The following HLTF variants were observed in gnomAD, a reference collection of about 807,000 sequenced individuals.
HLTF encodes the protein DNA-dependent ATPase/E3 ubiquitin-protein ligase HLTF.
A neutral mutation model predicts 129.4 loss-of-function variants in HLTF; 127 were observed. That is an observed-to-expected ratio of 0.98 (90% confidence interval 0.85 to 1.14). HLTF has a LOEUF of 1.14. Ranked by LOEUF, HLTF falls within the 50% of genes most tolerant of loss-of-function variation. The pLI is 0.00. For missense variants in HLTF, 1,139 were observed against 1,187.1 expected, an observed-to-expected ratio of 0.96 and a Z score of 0.60; for synonymous variants, 332 against 388.8, an observed-to-expected ratio of 0.85 and a Z score of 1.72.
At chr3:149,037,196 C>T (rs866524638) in intron 23 of HLTF, among the ~76,000 whole-genome samples, 19 of 152,134 alleles carry the variant, frequency 1.2e-4, no homozygotes, top group Middle Eastern at 3.4e-3. Flanking sequence ...ACCGGCTGGG[C>T]GCGGTGGCTC....
intron 8 of HLTF, among the ~76,000 whole-genome samples, chr3:149,065,629 A>G (rs996561754): frequency 6.6e-6 from 1 of 152,118 alleles, no homozygotes; most frequent in African/African-American, 2.4e-5. Context: ...CAGGAGCTCG[A>G]GACTAGCCTG....
intron 10 of HLTF, 62 bp from the exon 11 acceptor site, chr3:149,060,920 A>T (rs184825200): frequency 7.3e-5 from 80 of 1,093,452 alleles, no homozygotes; most frequent in Middle Eastern, 6.4e-4. Flanking sequence ...AGATATACAA[A>T]CATGTTTAAT....
At chr3:149,042,347 T>C (rs531200850) in intron 18 of HLTF, 57 bp from the exon 19 acceptor site, 4 of 1,423,498 alleles carry the variant, frequency 2.8e-6, no homozygotes, top group South Asian at 1.3e-5. Context: ...AACTTCCTAT[T>C]CTAAAACAGC....
At position 149,063,051 on chromosome 3, in the gene HLTF, C is replaced by T. The variant is rs141342778; in HGVS notation, c.1160+380G>A. 29 of 456,804 alleles carry T rather than the reference C, an allele frequency of 6.3e-5. No individual in the cohort carries two copies. In the East Asian group the frequency reaches 1.9e-3, roughly 30 times the overall value. 28.3% of individuals were successfully genotyped at this position (456,804 alleles called of 1,614,324 possible). ...ACAAATATAAGGGTCATGGTCATCT[C>T]TATCTCTCTCTTTTTCTTTTTTTTT... On this transcript the variant is annotated intron_variant, in intron 10 of 24. Coordinates refer to ENST00000310053, the MANE Select transcript of HLTF (RefSeq NM_003071.4).
chr3:149,034,348 T>G (rs1334037687), intron 24 of HLTF, among the ~76,000 whole-genome samples: 1 of 152,150 alleles, frequency 6.6e-6, no homozygotes, highest in Non-Finnish European at 1.5e-5. Flanking sequence ...TTAAATATAT[T>G]ACGATATATC....
chr3:149,084,648 T>G, intron 2 of HLTF, 34 bp downstream of exon 2: 1 of 1,442,802 alleles, frequency 6.9e-7, no homozygotes, highest in Non-Finnish European at 9.7e-7. Flanking sequence ...GCCAGAAATA[T>G]AATCAAAATT....
chr3:149,073,705 A>G (rs902840666), intron 4 of HLTF, among the ~76,000 whole-genome samples: 1 of 152,184 alleles, frequency 6.6e-6, no homozygotes, highest in African/African-American at 2.4e-5. Flanking sequence ...CAAAATATAT[A>G]CACAAATAAA....
At position 149,058,774 on chromosome 3, in the gene HLTF, T is replaced by C. The variant is rs145340051; in HGVS notation, c.1375+944A>G. On this transcript the variant is annotated intron_variant, in intron 13 of 24. Transcript: ENST00000310053. The stretch of plus-strand genomic sequence containing the variant: ...CTATTCTGCTTCTCTTTCAAAGATA[T>C]ACTTAGTTTGGTTAAAACCAAAATG... 2.4e-3 allele frequency among the ~76,000 whole-genome samples: 367 copies of C among 152,352 alleles called. 3 individuals are homozygous for C. The highest frequency in any genetic ancestry group is 0.019 in the East Asian group (101 of 5,182).
chr3:149,061,836 C>CAAAAA (rs770669148), intron 10 of HLTF, among the ~76,000 whole-genome samples: 3 of 65,770 alleles, frequency 4.6e-5, no homozygotes. Flanking sequence ...AACTCTGTCT[C>CAAAAA]AAAAAAAAAA....
intron 3 of HLTF, 24 bp from the exon 4 acceptor site, chr3:149,074,372 A>C: frequency 1.3e-6 from 2 of 1,580,344 alleles, no homozygotes; most frequent in Non-Finnish European, 1.7e-6. Flanking sequence ...GAGAAAAAGA[A>C]AGGGAAATCA....
At chr3:149,065,727 G>A (rs547157040) in intron 8 of HLTF, among the ~76,000 whole-genome samples, 144 of 152,278 alleles carry the variant, frequency 9.5e-4, no homozygotes, top group Non-Finnish European at 1.5e-3. Context: ...CTACTTGGGA[G>A]GCTGAGGCAG....
At position 149,063,067 on chromosome 3, in the gene HLTF, C is replaced by CT. The variant is rs558050182; in HGVS notation, c.1160+363dup. 6.3e-3 allele frequency: 2,465 copies of CT among 391,842 alleles called. 5 individuals carry two copies. The highest frequency in any genetic ancestry group is 0.012 in the South Asian group (595 of 51,608). The allele number at this position is 391,842 out of a possible 1,614,324, so 24.3% of individuals were successfully genotyped here. ...TGGTCATCTCTATCTCTCTCTTTTT[C>CT]TTTTTTTTTTGAGACGGAGTCTCAC... On this transcript the variant is annotated intron_variant, in intron 10 of 24. Coordinates refer to ENST00000310053, the MANE Select transcript of HLTF (RefSeq NM_003071.4).
chr3:149,037,864 T>C (rs897116622), intron 23 of HLTF, among the ~76,000 whole-genome samples: 1 of 151,910 alleles, frequency 6.6e-6, no homozygotes, highest in African/African-American at 2.4e-5. Flanking sequence ...AACAGCCCCT[T>C]TGTACACGTA....
At chr3:149,057,744 A>G (rs1193388647) in intron 13 of HLTF, among the ~76,000 whole-genome samples, 1 of 152,230 alleles carries the variant, frequency 6.6e-6, no homozygotes, top group African/African-American at 2.4e-5. Flanking sequence ...ATTTACACTT[A>G]TTAGTATTTG....
chr3:149,033,987 T>A lies in HLTF; in HGVS notation c.2877+931A>T, dbSNP rs370314679. On this transcript the variant is annotated intron_variant, in intron 24 of 24. Coordinates refer to ENST00000310053, the MANE Select transcript of HLTF (RefSeq NM_003071.4). ...ATAAACAAAAGATTTCAAGTCAGACTGTATCAGGGAGTCCTTTATACTATA... is the reference window on the plus strand; with the variant it reads ...ATAAACAAAAGATTTCAAGTCAGACAGTATCAGGGAGTCCTTTATACTATA... Among the ~76,000 whole-genome samples, 50 of 152,308 alleles carry A rather than the reference T, an allele frequency of 3.3e-4. 1 individual carries two copies. Among genetic ancestry groups the A allele is most frequent in the African/African-American group, 1.0e-3 (43 of 41,582 alleles).
Position 149,042,301 on chromosome 3 carries a change from A to G in HLTF, c.2073-11T>C. Reference sequence around the variant, plus strand: ...CCTTCATTAAAATACCTAGAGATTAAAATGTCAAATATTATTAAGTCCGCT... The same window carrying G: ...CCTTCATTAAAATACCTAGAGATTAGAATGTCAAATATTATTAAGTCCGCT... On this transcript the variant is annotated splice_polypyrimidine_tract_variant and intron_variant, in intron 18 of 24. Transcript: ENST00000310053. 6.3e-7 allele frequency: 1 copy of G among 1,598,398 alleles called. No homozygotes were observed. The highest frequency in any genetic ancestry group is 8.6e-7 in the Non-Finnish European group (1 of 1,169,100).
intron 15 of HLTF, among the ~76,000 whole-genome samples, chr3:149,049,636 T>G (rs1374696105): frequency 6.6e-6 from 1 of 152,206 alleles, no homozygotes; most frequent in Non-Finnish European, 1.5e-5. Flanking sequence ...TAAAATTCAT[T>G]TACAAATTGC....
chr3:149,086,523 T>A lies in HLTF; in HGVS notation c.-187A>T, dbSNP rs991253055. 2 of 633,282 alleles carry A rather than the reference T, an allele frequency of 3.2e-6. No individual in the cohort carries two copies. Among genetic ancestry groups the A allele is most frequent in the African/African-American group, 1.8e-5 (1 of 54,440 alleles). The allele number at this position is 633,282 out of a possible 1,614,324, so 39.2% of individuals were successfully genotyped here. ...GTCAGACGTCGACGCCGTCTCCTTC[T>A]GCAACAATCTGGGAGACCAGCGTCG... On this transcript the variant is annotated 5_prime_UTR_variant, in exon 1 of 25. Transcript: ENST00000310053.
At chr3:149,081,589 G>A (rs1418806535) in intron 2 of HLTF, among the ~76,000 whole-genome samples, 2 of 152,036 alleles carry the variant, frequency 1.3e-5, no homozygotes, top group Admixed American at 6.6e-5. Flanking sequence ...ACACGAATGT[G>A]TAACACAAAG....
Sources: gnomAD v4.1 joint callset for allele counts (sites outside exome capture counted in the v4.1 genomes callset) on GRCh38, gnomAD v4.1.1 for gene constraint, MANE v1.5 for transcripts, NCBI Gene and HGNC (gene_info 2026-07-23, HGNC 2026-07-21) for gene names.